Variants in EFEMP2 observed in about 807,000 individuals in gnomAD.
The protein encoded by EFEMP2 is EGF-like fibulin extracellular matrix protein 2.
Under a neutral mutation model 55.3 loss-of-function variants are expected in EFEMP2, and 21 were observed. The ratio of observed to expected loss-of-function variants is 0.38; its 90% CI spans 0.27 to 0.55. The LOEUF (loss-of-function observed/expected upper bound fraction) is 0.55, where lower values mean the gene tolerates loss of function less well. Among genes scored for constraint, EFEMP2 ranks in the 20% least tolerant of loss-of-function variants. EFEMP2 has a pLI of 0.77. For synonymous variants in EFEMP2, 275 were observed against 242.3 expected (o/e 1.14, Z -1.25); for missense variants, 513 against 615.1 (o/e 0.83, Z 1.76).
chr11:65,870,629 C>A lies in EFEMP2; in HGVS notation c.397G>T (p.Asp133Tyr), dbSNP rs766172211. 1 of 1,614,068 alleles carries A rather than the reference C, an allele frequency of 6.2e-7. No homozygotes were observed. The highest frequency in any genetic ancestry group is 1.7e-5 in the Admixed American group (1 of 60,010). The change falls in exon 5 of 11, where the codon GAC becomes TAC. Residue 133 changes from aspartate to tyrosine, a missense_variant. Coordinates refer to ENST00000307998, the MANE Select transcript of EFEMP2 (RefSeq NM_016938.5). ...DVDECAQALHDCRPSQDCHNL... is the reference protein window; with the variant it reads ...DVDECAQALHYCRPSQDCHNL... ...TGGCAGTCCTGGCTGGGGCGACAGT[C>A]GTGCAGGGCCTGGGCACACTCGTCC...
Position 65,870,565 on chromosome 11 carries a change from C to T in EFEMP2, c.461G>A (p.Gly154Asp), listed in dbSNP as rs1859947843. Reference protein sequence around the residue: ...PGSYQCTCPDGYRKIGPECVD... With the variant: ...PGSYQCTCPDDYRKIGPECVD... Reference sequence around the variant, plus strand: ...ACACTCGGGCCCGATCTTGCGGTAACCATCAGGGCAGGTGCACTGATAGGA... The same window carrying T: ...ACACTCGGGCCCGATCTTGCGGTAATCATCAGGGCAGGTGCACTGATAGGA... Residue 154 changes from glycine to aspartate, a missense_variant, in exon 5 of 11, where the codon GGT becomes GAT. Transcript: ENST00000307998. 1.2e-6 allele frequency: 2 copies of T among 1,613,978 alleles called. No homozygotes were observed. Among genetic ancestry groups the T allele is most frequent in the Non-Finnish European group, 1.7e-6 (2 of 1,180,002 alleles).
In EFEMP2 at chr11:65,866,885, G is replaced by C. The variant is rs1859857389; in HGVS notation, c.*33C>G. On this transcript the variant is annotated 3_prime_UTR_variant, in exon 11 of 11. Transcript: ENST00000307998. ...CCTCACAACAGGCTCCTCAGCTAGG[G>C]TAGCTGCAGGGAGGGTGGCTCCCTC... is the stretch of plus-strand genomic sequence containing the variant. 2.5e-6 allele frequency: 4 copies of C among 1,613,172 alleles called. No individual in the cohort carries two copies. Among genetic ancestry groups the C allele is most frequent in the Middle Eastern group, 3.3e-4 (2 of 6,060 alleles).
intron 3 of EFEMP2, 38 bp downstream of exon 3, chr11:65,871,932 G>T: frequency 6.4e-7 from 1 of 1,551,006 alleles, no homozygotes; most frequent in South Asian, 1.2e-5. Context: ...ATCCCTTTCC[G>T]GGTTCCTGGG....
chr11:65,871,893 TG>T, intron 3 of EFEMP2, 76 bp downstream of exon 3: 1 of 1,524,596 alleles, frequency 6.6e-7, no homozygotes. Context: ...TTCTTGGAGG[TG>T]GGGCTGTCCC....
rs1859947098 is a variant in EFEMP2, at chr11:65,870,543, C to G, written c.483G>C (p.Glu161Asp). 1.2e-6 allele frequency: 2 copies of G among 1,614,002 alleles called. No individual in the cohort carries two copies. The highest frequency in any genetic ancestry group is 1.3e-5 in the African/African-American group (1 of 74,996). ...CPDGYRKIGP[E>D]CVDIDECRYR... is the part of the protein sequence containing the mutation. ...GCTGCTTCCTGGACTCACCCACACA[C>G]TCGGGCCCGATCTTGCGGTAACCAT... Residue 161 changes from glutamate (E) to aspartate (D), a missense_variant, in exon 5 of 11, where the codon GAG (glutamate) becomes GAC (aspartate). Coordinates refer to ENST00000307998, the MANE Select transcript of EFEMP2 (RefSeq NM_016938.5).
chr11:65,872,719 C>G lies in EFEMP2; in HGVS notation c.-44G>C. ...ACACCCCCGCGGCCCGCGGCTCTGG[C>G]GGCTCGGCTGGCTCGGGCAATGCCT... On this transcript the variant is annotated 5_prime_UTR_variant, in exon 1 of 11. Transcript: ENST00000307998. The G allele has an allele frequency of 2.8e-6, 1 of 354,956 alleles. No individual in the cohort carries two copies. Among genetic ancestry groups the G allele is most frequent in the Non-Finnish European group, 5.7e-6 (1 of 175,970 alleles). The allele number at this position is 354,956 out of a possible 1,614,324, so 22.0% of individuals were successfully genotyped here. A position where few individuals can be genotyped will look rare whatever the true frequency, so the allele number is the denominator to read the frequency against.
rs1859979753 is a variant in EFEMP2 at position 65,872,338 on chromosome 11, G to A, written c.17C>T (p.Ser6Phe). The A allele has an allele frequency of 1.3e-6, 2 of 1,551,550 alleles. No individual in the cohort carries two copies. Among genetic ancestry groups the A allele is most frequent in the Non-Finnish European group, 1.7e-6 (2 of 1,146,982 alleles). Residue 6 changes from serine (S) to phenylalanine (F), a missense_variant, in exon 2 of 11, where the codon TCC becomes TTC. Ser to Phe is a radical substitution (Grantham distance 155). Transcript: ENST00000307998. ...GAGCAGTAGAGACCCGGGTAGGCAG[G>A]AGGCGCAGGGGAGCATCCTGGGGCT... MLPCASCLPGSLLLWA... is the reference protein window; with the variant it reads MLPCAFCLPGSLLLWA...
At chr11:65,870,691 A>AT (rs1859950518) in intron 4 of EFEMP2, 33 bp from the exon 5 acceptor site, 1 of 1,613,426 alleles carries the variant, frequency 6.2e-7, no homozygotes, top group African/African-American at 1.3e-5. Flanking sequence ...CCTGCCTGGG[A>AT]TCCCGCACAC....
intron 8 of EFEMP2, 34 bp downstream of exon 8, chr11:65,868,476 A>G: frequency 1.2e-6 from 2 of 1,613,800 alleles, no homozygotes; most frequent in Non-Finnish European, 1.7e-6. Context: ...AGCTCCTGAC[A>G]CCGTCCTGCC....
At chr11:65,869,664 C>G (rs1859928805) in intron 7 of EFEMP2, 193 bp downstream of exon 7, 1 of 776,254 alleles carries the variant, frequency 1.3e-6, no homozygotes, top group Non-Finnish European at 2.2e-6. Context: ...AAGGACGTAG[C>G]TGCCTCTCCT....
chr11:65,867,966 G>A lies in EFEMP2; in HGVS notation c.1065C>T (p.Ser355=), dbSNP rs377646143. Residue 355 remains serine (S), a synonymous_variant, in exon 10 of 11, where the codon AGC becomes AGT. Transcript: ENST00000307998. Reference sequence around the variant, plus strand: ...GGATCTGGAACACGTCAGCGGGCACGCTCCGCTCCGAGGTGATGGTCATGT... The same window carrying A: ...GGATCTGGAACACGTCAGCGGGCACACTCCGCTCCGAGGTGATGGTCATGT... The part of the protein sequence containing the change: ...HRYMTITSER[S]VPADVFQIQA... 1.1e-5 allele frequency: 17 copies of A among 1,614,118 alleles called. No homozygotes were observed. Among genetic ancestry groups the A allele is most frequent in the Non-Finnish European group, 1.4e-5 (17 of 1,180,026 alleles).
intron 6 of EFEMP2, 26 bp downstream of exon 6, chr11:65,870,095 A>C: frequency 6.2e-7 from 1 of 1,613,196 alleles, no homozygotes; most frequent in Non-Finnish European, 8.5e-7. Context: ...CCCAGGACCC[A>C]GGAGCCTGGC....
intron 3 of EFEMP2, 102 bp from the exon 4 acceptor site, chr11:65,871,465 A>T: frequency 1.8e-6 from 2 of 1,124,620 alleles, no homozygotes; most frequent in Non-Finnish European, 2.7e-6. Context: ...GTGTGGCCCC[A>T]GCAAAGCCTT....
intron 7 of EFEMP2, chr11:65,869,504 C>T (rs924757740): frequency 8.3e-6 from 3 of 362,626 alleles, no homozygotes; most frequent in South Asian, 2.2e-5. Flanking sequence ...CTCACCTAAT[C>T]CTCAAGACAA....
At position 65,867,981 on chromosome 11, in the gene EFEMP2, G is replaced by A. The variant is rs1205136093; in HGVS notation, c.1050C>T (p.Ile350=). ...PSSIVHRYMT[I]TSERSVPADV... The stretch of plus-strand genomic sequence containing the variant: ...CAGCGGGCACGCTCCGCTCCGAGGT[G>A]ATGGTCATGTAGCGGTGCACAATGG... The change falls in exon 10 of 11, where the codon ATC becomes ATT. Residue 350 remains isoleucine, a synonymous_variant. Coordinates refer to ENST00000307998, the MANE Select transcript of EFEMP2 (RefSeq NM_016938.5). 1.9e-6 allele frequency: 3 copies of A among 1,614,118 alleles called. No homozygotes were observed. The highest frequency in any genetic ancestry group is 1.1e-5 in the South Asian group (1 of 91,086).
Position 65,872,672 on chromosome 11 carries a change from C to A in EFEMP2, c.-8+11G>T. ...CCACGCCCTCCCCCACGGACGGTCA[C>A]AGCCACTCACTTGGGCCCGCGACAC... On this transcript the variant is annotated intron_variant, in intron 1 of 10. Transcript: ENST00000307998. 1 of 340,680 alleles carries A rather than the reference C, an allele frequency of 2.9e-6. No individual in the cohort carries two copies. The highest frequency in any genetic ancestry group is 5.8e-6 in the Non-Finnish European group (1 of 173,294). The allele number at this position is 340,680 out of a possible 1,614,324, so 21.1% of individuals were successfully genotyped here. A position where few individuals can be genotyped will look rare whatever the true frequency, so the allele number is the denominator to read the frequency against.
chr11:65,869,558 G>C, intron 7 of EFEMP2: 1 of 441,962 alleles, frequency 2.3e-6, no homozygotes, highest in Non-Finnish European at 4.2e-6. Flanking sequence ...GGAGTGACTT[G>C]TCCTAGTGCA....
Position 65,866,768 on chromosome 11 carries a change from C to T in EFEMP2, c.*150G>A. 9.4e-7 allele frequency: 1 copy of T among 1,064,666 alleles called. No homozygotes were observed. Among genetic ancestry groups the T allele is most frequent in the South Asian group, 1.3e-5 (1 of 74,706 alleles). 66.0% of individuals were successfully genotyped at this position (1,064,666 alleles called of 1,614,324 possible). On this transcript the variant is annotated 3_prime_UTR_variant, in exon 11 of 11. Coordinates refer to ENST00000307998, the MANE Select transcript of EFEMP2 (RefSeq NM_016938.5). ...ACTTGGCCTGCCCCCCCAAGTGCCA[C>T]CCTGCCCCAGCCTGAGGCTTCCTGC...
Position 65,872,716 on chromosome 11 carries a change from TG to T in EFEMP2, c.-42del. On this transcript the variant is annotated 5_prime_UTR_variant, in exon 1 of 11. Coordinates refer to ENST00000307998, the MANE Select transcript of EFEMP2 (RefSeq NM_016938.5). ...GCGACACCCCCGCGGCCCGCGGCTC[TG>T]GCGGCTCGGCTGGCTCGGGCAATGC... 2.8e-6 allele frequency: 1 copy of T among 355,498 alleles called. No homozygotes were observed. Among genetic ancestry groups the T allele is most frequent in the South Asian group, 1.9e-5 (1 of 51,928 alleles). The allele number at this position is 355,498 out of a possible 1,614,324, so 22.0% of individuals were successfully genotyped here. A position where few individuals can be genotyped will look rare whatever the true frequency, so the allele number is the denominator to read the frequency against.
Sources: gnomAD v4.1 joint callset for allele counts on GRCh38, gnomAD v4.1.1 for gene constraint, MANE v1.5 for transcripts, NCBI Gene and HGNC (gene_info 2026-07-23, HGNC 2026-07-21) for gene names.